Variants in MN1 observed in about 807,000 individuals in gnomAD.
The protein encoded by MN1 is MN1 proto-oncogene, transcriptional regulator.
MN1 carries 19 observed loss-of-function variants against 86.9 expected under a neutral mutation model. The observed-to-expected ratio is 0.22, with a 90% CI of 0.15 to 0.32. The LOEUF (loss-of-function observed/expected upper bound fraction) is 0.32. Among genes scored for constraint, MN1 ranks in the 10% least tolerant of loss-of-function variants. The pLI, the probability that MN1 is intolerant of heterozygous loss-of-function variation, is 1.00. For synonymous variants in MN1, 928 were observed against 849.6 expected, an observed-to-expected ratio of 1.09 and a Z score of -1.60; for missense variants, 1,841 against 1,862.0, an observed-to-expected ratio of 0.99 and a Z score of 0.21.
intron 1 of MN1, among the ~76,000 whole-genome samples, chr22:27,781,627 A>T (rs923808310): frequency 2.0e-5 from 3 of 152,288 alleles, no homozygotes; most frequent in African/African-American, 7.2e-5. Context: ...ACCAAAGCCC[A>T]TGCTCTCACC....
chr22:27,798,901 T>G lies in MN1; in HGVS notation c.1643A>C (p.Gln548Pro). Residue 548 changes from glutamine to proline, a missense_variant, in exon 1 of 2, where the codon CAG becomes CCG. Physicochemically the swap from Gln to Pro is moderately conservative, Grantham distance 76 (BLOSUM62 -1). Transcript: ENST00000302326. ...QQQQQQQQQQ[Q>P]QQRQNAALMI... The stretch of plus-strand genomic sequence containing the variant: ...GAGGGCCGCGTTTTGGCGCTGCTGC[T>G]GCTGCTGCTGTTGCTGTTGCTGTTG... The G allele has an allele frequency of 6.4e-7, 1 of 1,555,786 alleles. No homozygotes were observed. Among genetic ancestry groups the G allele is most frequent in the South Asian group, 1.2e-5 (1 of 85,254 alleles).
At chr22:27,784,512 CAG>C (rs1264738996) in intron 1 of MN1, among the ~76,000 whole-genome samples, 1 of 151,700 alleles carries the variant, frequency 6.6e-6, no homozygotes, top group Admixed American at 6.6e-5. Flanking sequence ...GGCTTAAAAA[CAG>C]ATCAATTTTA....
chr22:27,787,756 T>C (rs989436518), intron 1 of MN1, among the ~76,000 whole-genome samples: 3 of 152,176 alleles, frequency 2.0e-5, no homozygotes, highest in African/African-American at 7.2e-5. Flanking sequence ...TGGAAGGATC[T>C]GGGCCTCAAG....
At chr22:27,776,587 GTT>G (rs753981752) in intron 1 of MN1, among the ~76,000 whole-genome samples, 39 of 152,114 alleles carry the variant, frequency 2.6e-4, no homozygotes, top group Non-Finnish European at 4.7e-4. Flanking sequence ...CGGCTTGGCT[GTT>G]TTTCCCCCAC....
Position 27,800,658 on chromosome 22 carries a change from C to G in MN1, c.-115G>C. 6.7e-7 allele frequency: 1 copy of G among 1,491,566 alleles called. No homozygotes were observed. The highest frequency in any genetic ancestry group is 9.0e-7 in the Non-Finnish European group (1 of 1,108,868). The allele number at this position is 1,491,566 out of a possible 1,614,324, so 92.4% of individuals were successfully genotyped here. ...TTGGGCGCTCCGGGACGCTCAGCAC[C>G]GCGGGGGCTCAGCGCGCACCTCCAC... is the stretch of plus-strand genomic sequence containing the variant. On this transcript the variant is annotated 5_prime_UTR_variant, in exon 1 of 2. Transcript: ENST00000302326.
At chr22:27,791,696 C>G (rs1330411654) in intron 1 of MN1, 1 of 152,126 alleles carries the variant, frequency 6.6e-6, no homozygotes, top group Non-Finnish European at 1.5e-5. Flanking sequence ...AAAGCTACAG[C>G]CTTTTAATCT....
Position 27,800,884 on chromosome 22 carries a change from A to C in MN1, c.-341T>G. The C allele has an allele frequency of 8.6e-6, 3 of 349,390 alleles. No homozygotes were observed. Among genetic ancestry groups the C allele is most frequent in the Non-Finnish European group, 1.6e-5 (3 of 188,816 alleles). 21.6% of individuals were successfully genotyped at this position (349,390 alleles called of 1,614,324 possible). On this transcript the variant is annotated 5_prime_UTR_variant, in exon 1 of 2. Transcript: ENST00000302326. The stretch of plus-strand genomic sequence containing the variant: ...AAGCCGCGGATGAACGGAGACAAAA[A>C]GTTAAGTGGGGGGAATGGGGAGGGA...
intron 1 of MN1, among the ~76,000 whole-genome samples, chr22:27,759,302 CA>C (rs1207051467): frequency 2.6e-5 from 4 of 152,144 alleles, no homozygotes; most frequent in African/African-American, 7.2e-5. Flanking sequence ...ATCCCTGGGC[CA>C]CGTCCCCTTC....
At position 27,800,536 on chromosome 22, in the gene MN1, C is replaced by A; in HGVS notation, c.8G>T (p.Gly3Val). MF[G>V]LDQFEPQVNS... ...GACCTGGGGCTCGAATTGGTCCAGC[C>A]CAAACATACTTGGCGGGGGGCAGAG... is the stretch of plus-strand genomic sequence containing the variant. The change falls in exon 1 of 2, where the codon GGG (glycine) becomes GTG (valine). Residue 3 changes from glycine (G) to valine (V), a missense_variant. Coordinates refer to ENST00000302326, the MANE Select transcript of MN1 (RefSeq NM_002430.3). The A allele has an allele frequency of 6.2e-7, 1 of 1,614,144 alleles. No individual in the cohort carries two copies. Among genetic ancestry groups the A allele is most frequent in the East Asian group, 2.2e-5 (1 of 44,870 alleles).
chr22:27,763,144 T>G (rs969549343), intron 1 of MN1, among the ~76,000 whole-genome samples: 2 of 152,158 alleles, frequency 1.3e-5, no homozygotes, highest in Non-Finnish European at 2.9e-5. Flanking sequence ...CACATTTATT[T>G]GGAATTAGAG....
chr22:27,759,915 G>A (rs912177703), intron 1 of MN1, among the ~76,000 whole-genome samples: 2 of 152,144 alleles, frequency 1.3e-5, no homozygotes, highest in Admixed American at 6.5e-5. Flanking sequence ...ATCCCTCTGG[G>A]GCAATCAGAT....
chr22:27,777,152 T>C (rs1932988691), intron 1 of MN1, among the ~76,000 whole-genome samples: 1 of 152,168 alleles, frequency 6.6e-6, no homozygotes, highest in South Asian at 2.1e-4. Flanking sequence ...TCACAAGAGA[T>C]TTCTTCCGAA....
Position 27,797,818 on chromosome 22 carries a change from G to C in MN1, c.2726C>G (p.Pro909Arg). The change falls in exon 1 of 2, where the codon CCT (proline) becomes CGT (arginine). Residue 909 changes from proline (P) to arginine (R), a missense_variant. By Grantham distance (103) the Pro-to-Arg change is moderately radical (BLOSUM62 -2). Coordinates refer to ENST00000302326, the MANE Select transcript of MN1 (RefSeq NM_002430.3). ...SGSKASGPPN[P>R]PAQGDGTSLS... ...GCTGGTGCCGTCCCCCTGGGCTGGA[G>C]GGTTGGGCGGCCCCGAGGCTTTGGA... The C allele has an allele frequency of 6.3e-7, 1 of 1,584,850 alleles. No homozygotes were observed. Among genetic ancestry groups the C allele is most frequent in the East Asian group, 2.2e-5 (1 of 44,580 alleles).
intron 1 of MN1, among the ~76,000 whole-genome samples, chr22:27,765,016 TC>T (rs1422803712): frequency 6.6e-6 from 1 of 152,254 alleles, no homozygotes; most frequent in African/African-American, 2.4e-5. Context: ...GGCAGAGTTC[TC>T]CAGAGAAATG....
rs1208929025 is a variant in MN1 at position 27,748,563 on chromosome 22, G to A, written c.*2352C>T. 4.9e-6 allele frequency: 1 copy of A among 206,176 alleles called. No homozygotes were observed. The highest frequency in any genetic ancestry group is 9.9e-6 in the Non-Finnish European group (1 of 100,696). 12.8% of individuals were successfully genotyped at this position (206,176 alleles called of 1,614,324 possible). A position where few individuals can be genotyped will look rare whatever the true frequency, so the allele number is the denominator to read the frequency against. ...ACATTTTCGTTTTCTTTCCCAAAGAGTTTGCTATGCAGTACTGATTACCAG... is the reference window on the plus strand; with the variant it reads ...ACATTTTCGTTTTCTTTCCCAAAGAATTTGCTATGCAGTACTGATTACCAG... On this transcript the variant is annotated 3_prime_UTR_variant, in exon 2 of 2. Transcript: ENST00000302326.
At chr22:27,765,510 G>C (rs1465362309) in intron 1 of MN1, among the ~76,000 whole-genome samples, 1 of 152,342 alleles carries the variant, frequency 6.6e-6, no homozygotes, top group East Asian at 1.9e-4. Context: ...AGGGAGACTC[G>C]AGCGGGGGCT....
intron 1 of MN1, among the ~76,000 whole-genome samples, chr22:27,766,850 T>C (rs1005438048): frequency 3.9e-5 from 6 of 152,142 alleles, no homozygotes; most frequent in African/African-American, 1.2e-4. Context: ...ACCATGGAGT[T>C]TGTAGTACGC....
rs750789545 is a variant in MN1, at chr22:27,800,370, G to A, written c.174C>T (p.Pro58=). ...GCTCCATGTTCATGCCCAAGATCGGGGGTTCGCCCAGCGCGCTCATAGCAG... is the reference window on the plus strand; with the variant it reads ...GCTCCATGTTCATGCCCAAGATCGGAGGTTCGCCCAGCGCGCTCATAGCAG... The part of the protein sequence containing the change: ...VDPAMSALGE[P]PILGMNMEPY... Residue 58 remains proline, a synonymous_variant, in exon 1 of 2, where the codon CCC becomes CCT. Transcript: ENST00000302326. 4.3e-6 allele frequency: 7 copies of A among 1,610,680 alleles called. No homozygotes were observed. The East Asian group carries it at 1.3e-4, about 31-fold the overall frequency.
At chr22:27,789,873 T>C (rs1933187728) in intron 1 of MN1, among the ~76,000 whole-genome samples, 1 of 152,240 alleles carries the variant, frequency 6.6e-6, no homozygotes, top group South Asian at 2.1e-4. Flanking sequence ...CCACCAGCTT[T>C]CTCAGCCTAG....
Sources: allele counts gnomAD v4.1 joint callset (sites outside exome capture counted in the v4.1 genomes callset), GRCh38; gene constraint gnomAD v4.1.1; transcripts MANE v1.5; gene names NCBI Gene and HGNC (gene_info 2026-07-23, HGNC 2026-07-21).